The following TM7SF3 variants were observed in gnomAD, a reference collection of about 807,000 sequenced individuals.
TM7SF3 encodes the protein seven span transmembrane protein.
A neutral mutation model predicts 65.5 loss-of-function variants in TM7SF3; 60 were observed. The ratio of observed to expected loss-of-function variants is 0.92; its 90% confidence interval spans 0.74 to 1.14. The LOEUF (loss-of-function observed/expected upper bound fraction) is 1.14, where lower values mean the gene tolerates loss of function less well. Ranked by LOEUF, TM7SF3 falls within the 50% of genes most tolerant of loss-of-function variation. The pLI, the probability that TM7SF3 is intolerant of heterozygous loss-of-function variation, is 0.00. For synonymous variants in TM7SF3, 264 were observed against 259.6 expected, an observed-to-expected ratio of 1.02 and a Z score of -0.16; for missense variants, 623 against 684.8, an observed-to-expected ratio of 0.91 and a Z score of 1.01.
chr12:26,992,775 A>G (rs750102925), intron 5 of TM7SF3, among the ~76,000 whole-genome samples: 36 of 152,202 alleles, frequency 2.4e-4, no homozygotes, highest in Non-Finnish European at 4.7e-4. Context: ...TCAAAAGATC[A>G]TAAGTCAAAC....
At chr12:26,988,178 G>A (rs563976305) in intron 6 of TM7SF3, among the ~76,000 whole-genome samples, 3 of 152,184 alleles carry the variant, frequency 2.0e-5, no homozygotes, top group East Asian at 1.9e-4. Flanking sequence ...ATTTGTTGAC[G>A]GGGAGACGGG....
intron 1 of TM7SF3, among the ~76,000 whole-genome samples, chr12:27,013,357 CAAGT>C (rs1300479214): frequency 3.3e-5 from 5 of 152,176 alleles, no homozygotes; most frequent in African/African-American, 1.2e-4. Context: ...TTCTTGCCCT[CAAGT>C]AAGGAGAACA....
Position 26,972,119 on chromosome 12 carries a change from TGG to T in TM7SF3, c.*1844_*1845del, listed in dbSNP as rs1233936469. On this transcript the variant is annotated 3_prime_UTR_variant, in exon 12 of 12. Coordinates refer to ENST00000343028, the MANE Select transcript of TM7SF3 (RefSeq NM_016551.3). ...CACAATAATTCAGTGCTCTGAAAGC[TGG>T]GGGGAAAGCCCCTGAGTAGTAAGTA... 1 of 152,144 alleles carries T rather than the reference TGG, an allele frequency of 6.6e-6. No individual in the cohort carries two copies. Among genetic ancestry groups the T allele is most frequent in the Non-Finnish European group, 1.5e-5 (1 of 68,042 alleles). The allele number at this position is 152,144 out of a possible 1,614,324, so 9.4% of individuals were successfully genotyped here. A position where few individuals can be genotyped will look rare whatever the true frequency, so the allele number is the denominator to read the frequency against.
chr12:26,988,086 C>T (rs1234239928), intron 6 of TM7SF3, among the ~76,000 whole-genome samples: 1 of 151,662 alleles, frequency 6.6e-6, no homozygotes, highest in Non-Finnish European at 1.5e-5. Flanking sequence ...AAGACTTGTT[C>T]CAGATTATAC....
intron 9 of TM7SF3, chr12:26,978,024 A>T: frequency 4.6e-6 from 2 of 436,696 alleles, no homozygotes; most frequent in Non-Finnish European, 9.1e-6. Flanking sequence ...TGAGCCTTAG[A>T]GTTTGAGGTT....
chr12:27,013,942 T>C (rs955725545), intron 1 of TM7SF3, 136 bp downstream of exon 1: 39 of 762,702 alleles, frequency 5.1e-5, no homozygotes, highest in Middle Eastern at 4.5e-4. Context: ...GTGCCGGTTC[T>C]GGACTCACCA....
At chr12:26,996,009 CA>C (rs1940578536) in intron 4 of TM7SF3, among the ~76,000 whole-genome samples, 1 of 151,692 alleles carries the variant, frequency 6.6e-6, no homozygotes, top group South Asian at 2.1e-4. Context: ...TCTGGGGAGG[CA>C]AAAAAATTTT....
At chr12:26,986,693 C>T (rs1940115403) in intron 6 of TM7SF3, among the ~76,000 whole-genome samples, 1 of 152,152 alleles carries the variant, frequency 6.6e-6, no homozygotes, top group South Asian at 2.1e-4. Context: ...GAGCAAAGCT[C>T]CTTGAAAGAG....
intron 2 of TM7SF3, among the ~76,000 whole-genome samples, chr12:27,001,265 T>C (rs369007139): frequency 6.6e-6 from 1 of 152,086 alleles, no homozygotes; most frequent in Non-Finnish European, 1.5e-5. Flanking sequence ...AGAAATAAAA[T>C]GATAATTAAG....
chr12:26,979,014 A>G (rs1262543746), intron 9 of TM7SF3: 1 of 150,474 alleles, frequency 6.6e-6, no homozygotes, highest in East Asian at 2.3e-4. Flanking sequence ...GTAGTCTTAG[A>G]AAAAAAAAGT....
At chr12:26,980,788 GA>G (rs926760604) in intron 7 of TM7SF3, 142 bp from the exon 8 acceptor site, 499 of 464,732 alleles carry the variant, frequency 1.1e-3, no homozygotes, top group Middle Eastern at 1.6e-3. Context: ...GCATTCAGAA[GA>G]AAAAAAAAAT....
chr12:26,983,400 A>T, intron 6 of TM7SF3: 1 of 352,702 alleles, frequency 2.8e-6, no homozygotes, highest in Non-Finnish European at 5.7e-6. Context: ...ATTTGATGCT[A>T]TTAAAGAAAT....
intron 5 of TM7SF3, among the ~76,000 whole-genome samples, chr12:26,994,163 C>T (rs182324689): frequency 6.6e-6 from 1 of 152,300 alleles, no homozygotes; most frequent in East Asian, 1.9e-4. Flanking sequence ...AATGTCATAT[C>T]TAATAAAGCA....
At chr12:26,994,292 T>C (rs1186041680) in intron 5 of TM7SF3, among the ~76,000 whole-genome samples, 1 of 152,190 alleles carries the variant, frequency 6.6e-6, no homozygotes, top group Non-Finnish European at 1.5e-5. Context: ...TATATTGCTG[T>C]TAGGCACTTT....
At chr12:26,992,001 T>C (rs11048802) in intron 5 of TM7SF3, among the ~76,000 whole-genome samples, 1 of 151,952 alleles carries the variant, frequency 6.6e-6, no homozygotes. Flanking sequence ...CTAGCAATTG[T>C]GCCTTTCTAG....
At chr12:27,012,685 TCTCA>T in intron 1 of TM7SF3, 1 of 456,018 alleles carries the variant, frequency 2.2e-6, no homozygotes. Context: ...CATTCTGAGT[TCTCA>T]CTGAGATGAA....
chr12:26,974,102 G>A lies in TM7SF3; in HGVS notation c.1576C>T (p.Arg526Cys), dbSNP rs369292005. Residue 526 changes from arginine to cysteine, a missense_variant, in exon 12 of 12, where the codon CGC becomes TGC. Arg to Cys is a radical substitution (Grantham distance 180). Transcript: ENST00000343028. ...PYKLWKQERE[R>C]RVTNILDPSY... ...GGGTCCAGAATGTTTGTCACTCGGC[G>A]CTCTCTCTCTTGCTTCCATAACTTG... 80 of 1,613,960 alleles carry A rather than the reference G, an allele frequency of 5.0e-5. No homozygotes were observed. Among genetic ancestry groups the A allele is most frequent in the African/African-American group, 2.7e-5 (2 of 74,888 alleles).
chr12:26,985,888 A>ACTGCCAG (rs147327093), intron 6 of TM7SF3, among the ~76,000 whole-genome samples: 48,857 of 134,272 alleles, frequency 0.36, 8,605 homozygotes, highest in East Asian at 0.46. Flanking sequence ...ATCTTGGCTC[A>ACTGCCAG]CTGCCAGCTC....
intron 1 of TM7SF3, among the ~76,000 whole-genome samples, chr12:27,004,767 T>TA (rs1478136533): frequency 5.9e-5 from 9 of 152,242 alleles, no homozygotes; most frequent in Admixed American, 1.3e-4. Flanking sequence ...AATGTTTTTT[T>TA]AAAAAAATGA....
Sources: allele counts gnomAD v4.1 joint callset (sites outside exome capture counted in the v4.1 genomes callset), GRCh38; gene constraint gnomAD v4.1.1; transcripts MANE v1.5; gene names NCBI Gene and HGNC (gene_info 2026-07-23, HGNC 2026-07-21).